Variants in KALRN observed in about 807,000 individuals in gnomAD.
KALRN encodes kalirin.
A neutral mutation model predicts 353.7 loss-of-function variants in KALRN; 70 were observed. That is an observed-to-expected ratio of 0.20 (90% CI 0.16 to 0.24). The LOEUF is 0.24. Among genes scored for constraint, KALRN ranks in the 10% least tolerant of loss-of-function variants. KALRN has a pLI of 1.00. For missense variants in KALRN, 2,791 were observed against 3,756.7 expected (o/e 0.74, Z 6.72); for synonymous variants, 1,391 against 1,434.8 (o/e 0.97, Z 0.69).
intron 58 of KALRN, among the ~76,000 whole-genome samples, chr3:124,713,895 G>A (rs142533253): frequency 5.9e-5 from 9 of 152,260 alleles, no homozygotes; most frequent in Admixed American, 4.6e-4. Context: ...CCCCTTTTCA[G>A]TAGAGAAGTG....
At chr3:124,420,230 T>C (rs2092715952) in intron 14 of KALRN, among the ~76,000 whole-genome samples, 1 of 152,236 alleles carries the variant, frequency 6.6e-6, no homozygotes, top group Non-Finnish European at 1.5e-5. Context: ...CCTGCTCTGT[T>C]TGATGTCCTA....
At chr3:124,416,860 T>G (rs2092532019) in intron 14 of KALRN, among the ~76,000 whole-genome samples, 1 of 152,248 alleles carries the variant, frequency 6.6e-6, no homozygotes, top group Admixed American at 6.5e-5. Context: ...AAAGGACAAT[T>G]AGCAATATTA....
At chr3:124,462,654 A>C in intron 25 of KALRN, 21 bp downstream of exon 25, 21 of 1,390,962 alleles carry the variant, frequency 1.5e-5, no homozygotes, top group Non-Finnish European at 2.1e-5. Context: ...GGAGGGTCTC[A>C]GAGGTGCACA....
chr3:124,352,710 T>TA (rs1231357253), intron 10 of KALRN, among the ~76,000 whole-genome samples: 1 of 151,638 alleles, frequency 6.6e-6, no homozygotes, highest in Non-Finnish European at 1.5e-5. Context: ...GAACACACTT[T>TA]AAAAAAATCA....
chr3:124,143,303 T>A (rs922872556), intron 1 of KALRN, among the ~76,000 whole-genome samples: 5 of 152,206 alleles, frequency 3.3e-5, no homozygotes, highest in African/African-American at 1.2e-4. Context: ...TGTTTCCCTC[T>A]CTATTTTCTG....
chr3:124,274,999 C>A (rs1487603518), intron 5 of KALRN, among the ~76,000 whole-genome samples: 1 of 152,204 alleles, frequency 6.6e-6, no homozygotes, highest in African/African-American at 2.4e-5. Flanking sequence ...TTAGGCACAT[C>A]TTTAACTTAT....
chr3:124,660,963 C>A lies in KALRN; in HGVS notation c.6257C>A (p.Ser2086Ter). Residue 2086 changes from serine (S) to a stop codon, truncating the protein, a stop_gained, in exon 44 of 60, where the codon TCA becomes TAA. Transcript: ENST00000682506. LOFTEE classifies it high-confidence loss of function. ...AGTGAGAAGGCTGGTTTGGAGTGTTCAGATATTGAGGTGAGTTTTCTGCTT... is the reference window on the plus strand; with the variant it reads ...AGTGAGAAGGCTGGTTTGGAGTGTTAAGATATTGAGGTGAGTTTTCTGCTT... ...RYSEKAGLEC[S>*]DIEKAVELMC... The A allele has an allele frequency of 1.2e-6, 2 of 1,609,390 alleles. No homozygotes were observed. The highest frequency in any genetic ancestry group is 1.1e-5 in the South Asian group (1 of 90,978).
At chr3:124,144,372 A>G (rs1168289812) in intron 1 of KALRN, among the ~76,000 whole-genome samples, 5 of 152,130 alleles carry the variant, frequency 3.3e-5, no homozygotes, top group Admixed American at 2.6e-4. Context: ...AGGAAGGGGT[A>G]GTGGGTACTG....
chr3:124,385,899 C>T (rs934459666), intron 11 of KALRN, among the ~76,000 whole-genome samples: 1 of 151,512 alleles, frequency 6.6e-6, no homozygotes, highest in Non-Finnish European at 1.5e-5. Flanking sequence ...ATGCTTGTGT[C>T]CCCCCCCAGG....
Position 124,455,293 on chromosome 3 carries a change from A to G in KALRN, c.3669A>G (p.Arg1223=). Reference sequence around the variant, plus strand: ...TGACCACGGTGGACAAGCACTACAGAGATTTCTCCCTGAGGATGGGAAAGT... The same window carrying G: ...TGACCACGGTGGACAAGCACTACAGGGATTTCTCCCTGAGGATGGGAAAGT... ...KWVTTVDKHY[R]DFSLRMGKYR... The change falls in exon 22 of 60, where the codon AGA becomes AGG. Residue 1223 remains arginine (R), a synonymous_variant. Transcript: ENST00000682506. 6.2e-7 allele frequency: 1 copy of G among 1,614,204 alleles called. No homozygotes were observed. Among genetic ancestry groups the G allele is most frequent in the Non-Finnish European group, 8.5e-7 (1 of 1,180,014 alleles).
chr3:124,623,877 ACAAGC>A (rs2079615312), intron 34 of KALRN, among the ~76,000 whole-genome samples: 1 of 152,256 alleles, frequency 6.6e-6, no homozygotes, highest in Non-Finnish European at 1.5e-5. Context: ...TGTTCAGTGC[ACAAGC>A]TCTCCTAGGC....
At chr3:124,420,289 G>A (rs1295649196) in intron 14 of KALRN, among the ~76,000 whole-genome samples, 1 of 152,202 alleles carries the variant, frequency 6.6e-6, no homozygotes, top group Admixed American at 6.5e-5. Flanking sequence ...TGGCAGAGGT[G>A]AGCCATGAGG....
At chr3:124,252,230 C>A (rs925988453) in intron 3 of KALRN, among the ~76,000 whole-genome samples, 2 of 152,158 alleles carry the variant, frequency 1.3e-5, no homozygotes, top group African/African-American at 4.8e-5. Flanking sequence ...CAACCCCAGA[C>A]CAATTAGTCA....
At chr3:124,120,744 A>ATATT (rs1491323555) in intron 1 of KALRN, among the ~76,000 whole-genome samples, 1 of 138,046 alleles carries the variant, frequency 7.2e-6, no homozygotes, top group East Asian at 2.1e-4. Context: ...ATATATATAT[A>ATATT]TTTTCACATA....
chr3:124,598,207 C>T (rs2076447134), intron 34 of KALRN, among the ~76,000 whole-genome samples: 1 of 152,194 alleles, frequency 6.6e-6, no homozygotes. Context: ...GGCCCAAGTC[C>T]ATCTGAAATC....
At chr3:124,180,626 C>T (rs1295870820) in intron 1 of KALRN, among the ~76,000 whole-genome samples, 1 of 152,118 alleles carries the variant, frequency 6.6e-6, no homozygotes, top group Non-Finnish European at 1.5e-5. Context: ...AGAAGAGGAC[C>T]TCCCTCGTTG....
At chr3:124,217,589 C>G (rs958121813) in intron 1 of KALRN, among the ~76,000 whole-genome samples, 2 of 152,172 alleles carry the variant, frequency 1.3e-5, no homozygotes, top group African/African-American at 4.8e-5. Context: ...TCCAATGCTT[C>G]TTCACATTTC....
intron 1 of KALRN, among the ~76,000 whole-genome samples, chr3:124,219,442 T>C (rs1394352832): frequency 6.6e-6 from 1 of 152,150 alleles, no homozygotes; most frequent in Non-Finnish European, 1.5e-5. Context: ...TGAGAGAAGG[T>C]AGACATTGCT....
intron 6 of KALRN, among the ~76,000 whole-genome samples, chr3:124,325,411 G>C (rs577182044): frequency 6.6e-6 from 1 of 152,188 alleles, no homozygotes; most frequent in South Asian, 2.1e-4. Flanking sequence ...CAGTGCCTCA[G>C]CTCTTTTGGC....
Sources: gnomAD v4.1 joint callset for allele counts (sites outside exome capture counted in the v4.1 genomes callset) on GRCh38, gnomAD v4.1.1 for gene constraint, MANE v1.5 for transcripts, NCBI Gene and HGNC (gene_info 2026-07-23, HGNC 2026-07-21) for gene names.